CADM2: variants seen among roughly 807,000 people sequenced by gnomAD.
CADM2 encodes cell adhesion molecule 2.
A neutral mutation model predicts 49.8 loss-of-function variants in CADM2; 12 were observed. That is an observed-to-expected ratio of 0.24 (90% CI 0.15 to 0.39). CADM2 has a LOEUF of 0.39. Ranked by LOEUF, CADM2 falls within the 10% of genes least tolerant of loss-of-function variation. The probability of loss-of-function intolerance (pLI) is 1.00; values close to 1 mark genes in which losing one functional copy is unlikely to be tolerated. For synonymous variants in CADM2, 214 were observed against 175.4 expected (o/e 1.22, Z -1.74); for missense variants, 378 against 492.3 (o/e 0.77, Z 2.20).
At chr3:85,114,563 A>G (rs996275091) in intron 1 of CADM2, among the ~76,000 whole-genome samples, 1 of 152,216 alleles carries the variant, frequency 6.6e-6, no homozygotes, top group African/African-American at 2.4e-5. Context: ...ACCTGTCTAC[A>G]GTATGATATA....
intron 1 of CADM2, among the ~76,000 whole-genome samples, chr3:85,111,166 T>C (rs1026991961): frequency 1.3e-5 from 2 of 151,904 alleles, no homozygotes; most frequent in African/African-American, 4.8e-5. Flanking sequence ...TCAAATCATA[T>C]AGGTATGAAA....
At chr3:85,452,537 A>G (rs2037796084) in intron 1 of CADM2, among the ~76,000 whole-genome samples, 1 of 152,096 alleles carries the variant, frequency 6.6e-6, no homozygotes, top group Non-Finnish European at 1.5e-5. Flanking sequence ...TAACTTTAAC[A>G]CACGCTGTTG....
intron 2 of CADM2, among the ~76,000 whole-genome samples, chr3:85,797,229 T>G (rs2071682614): frequency 6.6e-6 from 1 of 152,198 alleles, no homozygotes; most frequent in African/African-American, 2.4e-5. Flanking sequence ...TGTTATTTTT[T>G]GGATAGAAAC....
chr3:85,352,808 G>A (rs181142569), intron 1 of CADM2, among the ~76,000 whole-genome samples: 65 of 152,174 alleles, frequency 4.3e-4, no homozygotes, highest in Non-Finnish European at 7.2e-4. Context: ...TGATTTTTTA[G>A]TCTTTGAATC....
chr3:85,520,580 C>G (rs180951906), intron 1 of CADM2, among the ~76,000 whole-genome samples: 1 of 152,108 alleles, frequency 6.6e-6, no homozygotes, highest in Non-Finnish European at 1.5e-5. Flanking sequence ...AATATTGCCA[C>G]TTTCCTATTT....
chr3:85,145,589 G>T (rs548237655), intron 1 of CADM2, among the ~76,000 whole-genome samples: 1 of 151,678 alleles, frequency 6.6e-6, no homozygotes, highest in South Asian at 2.1e-4. Context: ...ATCAAATAAA[G>T]TCCAGGGACC....
chr3:85,085,421 A>ATT (rs2037330448), intron 1 of CADM2, among the ~76,000 whole-genome samples: 1 of 151,900 alleles, frequency 6.6e-6, no homozygotes, highest in Non-Finnish European at 1.5e-5. Flanking sequence ...ATAGTATTCA[A>ATT]TTATATATAT....
chr3:85,177,295 T>A (rs1358364994), intron 1 of CADM2, among the ~76,000 whole-genome samples: 2 of 152,166 alleles, frequency 1.3e-5, no homozygotes, highest in Non-Finnish European at 2.9e-5. Context: ...TGGTCTTCTA[T>A]ATTCAAGATA....
chr3:85,038,418 A>G (rs2035306128), intron 1 of CADM2, among the ~76,000 whole-genome samples: 1 of 152,208 alleles, frequency 6.6e-6, no homozygotes, highest in Non-Finnish European at 1.5e-5. Context: ...ATTGTGTTTT[A>G]TAACTGCTTT....
At chr3:85,754,283 C>T (rs1173384299) in intron 2 of CADM2, among the ~76,000 whole-genome samples, 5 of 152,172 alleles carry the variant, frequency 3.3e-5, no homozygotes, top group Non-Finnish European at 4.4e-5. Context: ...CTGCCATTCC[C>T]TGACACCAGG....
chr3:85,887,542 CTT>C (rs1177313393), intron 5 of CADM2, among the ~76,000 whole-genome samples: 3 of 152,066 alleles, frequency 2.0e-5, no homozygotes, highest in Admixed American at 6.5e-5. Context: ...TTTAATTACT[CTT>C]TCTCTGCATA....
intron 7 of CADM2, among the ~76,000 whole-genome samples, chr3:85,954,339 A>T (rs958365950): frequency 9.9e-5 from 15 of 151,028 alleles, no homozygotes; most frequent in African/African-American, 2.9e-4. Context: ...CCCTTAGTGT[A>T]GTTTTAAAAT....
chr3:86,013,592 C>A (rs1281427623), intron 8 of CADM2: 1 of 1,600,926 alleles, frequency 6.2e-7, no homozygotes, highest in Non-Finnish European at 8.5e-7. Flanking sequence ...AAGAAACTCT[C>A]AGGGAAGAGA....
At chr3:85,628,638 C>T (rs28607481) in intron 1 of CADM2, among the ~76,000 whole-genome samples, 4 of 115,924 alleles carry the variant, frequency 3.5e-5, no homozygotes, top group Admixed American at 8.9e-5. Flanking sequence ...CGCATATATA[C>T]ATATATACAC....
chr3:85,666,710 C>CA (rs11372396), intron 1 of CADM2, among the ~76,000 whole-genome samples: 107,002 of 151,426 alleles, frequency 0.71, 37,861 homozygotes, highest in East Asian at 0.8. Context: ...TTTCTTCCTT[C>CA]GATATGGGAC....
At chr3:85,273,405 T>G (rs2043287447) in intron 1 of CADM2, among the ~76,000 whole-genome samples, 1 of 151,150 alleles carries the variant, frequency 6.6e-6, no homozygotes, top group African/African-American at 2.4e-5. Flanking sequence ...TAAAAAAGAC[T>G]TAGAGGAATT....
rs71108270 is a variant in CADM2, at chr3:85,195,542, GACACACACACACACAC to G, written c.61+235892_61+235907del. On this transcript the variant is annotated intron_variant, in intron 1 of 9. Transcript: ENST00000383699. ...ATGTGTAAACCATGAAAACCAGCAA[GACACACACACACACAC>G]ACACACACACACACACATTTTGTAA... 4.1e-5 allele frequency among the ~76,000 whole-genome samples: 6 copies of G among 146,874 alleles called. No individual in the cohort carries two copies. The South Asian group carries it at 1.1e-3, about 27-fold the overall frequency.
intron 3 of CADM2, among the ~76,000 whole-genome samples, chr3:85,867,917 T>A (rs2075783765): frequency 2.0e-5 from 3 of 152,040 alleles, no homozygotes; most frequent in Non-Finnish European, 2.9e-5. Flanking sequence ...CATTTTAAAA[T>A]GAGATCTTAG....
At chr3:84,993,574 A>G (rs1267038067) in intron 1 of CADM2, among the ~76,000 whole-genome samples, 1 of 152,190 alleles carries the variant, frequency 6.6e-6, no homozygotes, top group African/African-American at 2.4e-5. Flanking sequence ...GGAAAGGATT[A>G]GCAGAAAGTC....
Sources: gnomAD v4.1 joint callset for allele counts (sites outside exome capture counted in the v4.1 genomes callset) on GRCh38, gnomAD v4.1.1 for gene constraint, MANE v1.5 for transcripts, NCBI Gene and HGNC (gene_info 2026-07-23, HGNC 2026-07-21) for gene names.